Variants in CSMD2 observed in about 807,000 individuals in gnomAD.
CSMD2 encodes the protein CUB and sushi domain-containing protein 2.
In CSMD2, 130 loss-of-function variants were observed where a neutral mutation model predicts 398.5. The ratio of observed to expected loss-of-function variants is 0.33; its 90% CI spans 0.28 to 0.38. The LOEUF (loss-of-function observed/expected upper bound fraction) is 0.38, where lower values mean the gene tolerates loss of function less well. Among genes scored for constraint, CSMD2 ranks in the 10% least tolerant of loss-of-function variants. The probability of loss-of-function intolerance (pLI) is 1.00; values close to 1 mark genes in which losing one functional copy is unlikely to be tolerated. For synonymous variants in CSMD2, 1,828 were observed against 1,908.5 expected, an observed-to-expected ratio of 0.96 and a Z score of 1.10; for missense variants, 3,829 against 4,764.9, an observed-to-expected ratio of 0.80 and a Z score of 5.78.
At chr1:33,897,332 C>G (rs981066754) in intron 5 of CSMD2, among the ~76,000 whole-genome samples, 3 of 152,190 alleles carry the variant, frequency 2.0e-5, no homozygotes, top group Non-Finnish European at 4.4e-5. Context: ...ACATGAAGAG[C>G]TTCGATTCTG....
At chr1:34,083,728 G>A (rs1285654080) in intron 2 of CSMD2, among the ~76,000 whole-genome samples, 1 of 152,142 alleles carries the variant, frequency 6.6e-6, no homozygotes, top group East Asian at 1.9e-4. Flanking sequence ...ACCGGCCTGG[G>A]CAACATGGTG....
intron 51 of CSMD2, 126 bp downstream of exon 51, chr1:33,571,406 A>T (rs920279551): frequency 4.9e-6 from 3 of 614,620 alleles, no homozygotes; most frequent in Non-Finnish European, 7.2e-6. Context: ...ATGAGAGTTT[A>T]AAAAGCAGTA....
chr1:34,138,798 G>C (rs1013980015), intron 1 of CSMD2, among the ~76,000 whole-genome samples: 5 of 151,942 alleles, frequency 3.3e-5, no homozygotes, highest in African/African-American at 1.2e-4. Context: ...ACCCTTGCCA[G>C]CATATACTCC....
At chr1:33,947,300 C>T (rs79655758) in intron 3 of CSMD2, among the ~76,000 whole-genome samples, 3,619 of 152,298 alleles carry the variant, frequency 0.024, 136 homozygotes, top group African/African-American at 0.082. Context: ...CCAGGCTCTG[C>T]TGCCCCTGCC....
intron 1 of CSMD2, among the ~76,000 whole-genome samples, chr1:34,136,371 A>G (rs1390293555): frequency 1.3e-5 from 2 of 152,238 alleles, no homozygotes; most frequent in African/African-American, 2.4e-5. Context: ...TTGGTTCCAA[A>G]AAAAGTGTGA....
At chr1:33,879,989 G>C (rs1423845342) in intron 5 of CSMD2, among the ~76,000 whole-genome samples, 2 of 152,130 alleles carry the variant, frequency 1.3e-5, no homozygotes, top group Non-Finnish European at 2.9e-5. Context: ...AATCTGCACA[G>C]TAATCTAGTA....
At chr1:33,895,674 A>C (rs1219335069) in intron 5 of CSMD2, among the ~76,000 whole-genome samples, 1 of 152,152 alleles carries the variant, frequency 6.6e-6, no homozygotes, top group Non-Finnish European at 1.5e-5. Context: ...TGGCCTTGGC[A>C]GAAAGGTGGC....
chr1:33,933,399 C>T (rs1268019910), intron 4 of CSMD2, among the ~76,000 whole-genome samples: 6 of 152,132 alleles, frequency 3.9e-5, no homozygotes, highest in South Asian at 2.1e-4. Context: ...CAGAGTGATA[C>T]CCCCGCTGCA....
At chr1:33,810,018 C>A (rs1478656942) in intron 10 of CSMD2, among the ~76,000 whole-genome samples, 1 of 151,916 alleles carries the variant, frequency 6.6e-6, no homozygotes, top group Non-Finnish European at 1.5e-5. Flanking sequence ...AAACCCTAAA[C>A]AAATAGAGAG....
chr1:33,948,146 G>C (rs1448948385), intron 3 of CSMD2, among the ~76,000 whole-genome samples: 1 of 152,176 alleles, frequency 6.6e-6, no homozygotes, highest in African/African-American at 2.4e-5. Flanking sequence ...TGAGGATCAG[G>C]AACAGTAGGA....
At position 34,022,108 on chromosome 1, in the gene CSMD2, C is replaced by T. The variant is rs556529905; in HGVS notation, c.517+10486G>A. On this transcript the variant is annotated intron_variant, in intron 3 of 70. Transcript: ENST00000373381. ...CCTGGGCCTTTCACATGGGGCAAGA[C>T]GATCATTTATCCATTCACTTGTTTA... 9.2e-5 allele frequency among the ~76,000 whole-genome samples: 14 copies of T among 152,292 alleles called. No individual in the cohort carries two copies. The East Asian group carries it at 9.6e-4, about 10-fold the overall frequency.
At chr1:33,966,519 C>T (rs1013323517) in intron 3 of CSMD2, among the ~76,000 whole-genome samples, 2 of 152,124 alleles carry the variant, frequency 1.3e-5, no homozygotes, top group African/African-American at 2.4e-5. Flanking sequence ...TGTGGCAACT[C>T]CTGTAAAGTG....
chr1:34,105,848 A>G (rs1660477033), intron 1 of CSMD2, among the ~76,000 whole-genome samples: 1 of 152,250 alleles, frequency 6.6e-6, no homozygotes, highest in Admixed American at 6.5e-5. Context: ...CTGTGATCTT[A>G]CCAGTGACAA....
chr1:33,674,345 A>T (rs1377048944), intron 25 of CSMD2, among the ~76,000 whole-genome samples: 3 of 152,126 alleles, frequency 2.0e-5, no homozygotes, highest in Non-Finnish European at 4.4e-5. Context: ...CCAACAAAGA[A>T]CAAAAGAGAC....
At chr1:33,552,464 C>G (rs956783370) in intron 55 of CSMD2, among the ~76,000 whole-genome samples, 1 of 152,186 alleles carries the variant, frequency 6.6e-6, no homozygotes, top group African/African-American at 2.4e-5. Flanking sequence ...AATGTTCAAA[C>G]CAGCATAATT....
At position 33,694,327 on chromosome 1, in the gene CSMD2, TG is replaced by T. The variant is rs1162031819; in HGVS notation, c.3926-1272del. 3.3e-5 allele frequency among the ~76,000 whole-genome samples: 5 copies of T among 152,260 alleles called. No homozygotes were observed. In the East Asian group the frequency reaches 9.7e-4, roughly 29 times the overall value. On this transcript the variant is annotated intron_variant, in intron 24 of 70. Coordinates refer to ENST00000373381, the MANE Select transcript of CSMD2 (RefSeq NM_001281956.2). ...GACAAAATGTTCAAAAATTAGATTG[TG>T]GTGATGGCTGTACAAGCCTGTGAGT...
intron 48 of CSMD2, among the ~76,000 whole-genome samples, chr1:33,579,482 C>T (rs2148720709): frequency 6.6e-6 from 1 of 152,082 alleles, no homozygotes; most frequent in East Asian, 1.9e-4. Flanking sequence ...AGTCAAGACC[C>T]ACCTTCTCCC....
chr1:33,916,215 T>C (rs1643714761), intron 5 of CSMD2, among the ~76,000 whole-genome samples: 1 of 152,184 alleles, frequency 6.6e-6, no homozygotes. Flanking sequence ...AGATCCTAAT[T>C]TGGTCATATT....
chr1:33,545,322 T>A (rs1656773115), intron 57 of CSMD2, among the ~76,000 whole-genome samples: 1 of 152,246 alleles, frequency 6.6e-6, no homozygotes, highest in Non-Finnish European at 1.5e-5. Context: ...GGAAAAATGA[T>A]AATTTCTCCC....
Sources: gnomAD v4.1 joint callset for allele counts (sites outside exome capture counted in the v4.1 genomes callset) on GRCh38, gnomAD v4.1.1 for gene constraint, MANE v1.5 for transcripts, NCBI Gene and HGNC (gene_info 2026-07-23, HGNC 2026-07-21) for gene names.